Variants in BABAM2 observed in about 807,000 individuals in gnomAD.
The protein encoded by BABAM2 is BRISC and BRCA1-A complex member 2.
Under a neutral mutation model 54.7 loss-of-function variants are expected in BABAM2, and 31 were observed. The observed-to-expected ratio is 0.57, with a 90% CI of 0.43 to 0.77. The LOEUF (loss-of-function observed/expected upper bound fraction) is 0.77. Among genes scored for constraint, BABAM2 ranks in the 30% least tolerant of loss-of-function variants. The pLI, the probability that BABAM2 is intolerant of heterozygous loss-of-function variation, is 0.00. For synonymous variants in BABAM2, 167 were observed against 162.9 expected (o/e 1.03, Z -0.19); for missense variants, 364 against 455.8 (o/e 0.80, Z 1.83).
intron 7 of BABAM2, among the ~76,000 whole-genome samples, chr2:28,196,012 A>G (rs1053853419): frequency 6.6e-6 from 1 of 152,216 alleles, no homozygotes; most frequent in Non-Finnish European, 1.5e-5. Context: ...GTTTCTTACA[A>G]CAGTGTACAA....
At chr2:28,003,519 G>C (rs1460321120) in intron 4 of BABAM2, among the ~76,000 whole-genome samples, 1 of 152,122 alleles carries the variant, frequency 6.6e-6, no homozygotes, top group Admixed American at 6.5e-5. Flanking sequence ...GAGCCTGGGA[G>C]GTTGAGGCTG....
intron 2 of BABAM2, among the ~76,000 whole-genome samples, chr2:27,921,477 G>A (rs1667343767): frequency 6.6e-6 from 1 of 151,948 alleles, no homozygotes; most frequent in Admixed American, 6.6e-5. Flanking sequence ...TAATCTGATG[G>A]TTTTCTCTTA....
intron 6 of BABAM2, among the ~76,000 whole-genome samples, chr2:28,066,784 G>A (rs553782098): frequency 5.5e-4 from 84 of 152,266 alleles, no homozygotes; most frequent in African/African-American, 2.0e-3. Flanking sequence ...ACGCCACAGG[G>A]CCTTTTTTGA....
At chr2:28,034,959 A>G (rs1308856908) in intron 5 of BABAM2, among the ~76,000 whole-genome samples, 1 of 152,142 alleles carries the variant, frequency 6.6e-6, no homozygotes, top group Non-Finnish European at 1.5e-5. Flanking sequence ...TATGCTGTCC[A>G]ATACAGGAGC....
intron 3 of BABAM2, among the ~76,000 whole-genome samples, chr2:27,965,757 A>G (rs1390775457): frequency 6.6e-6 from 1 of 152,170 alleles, no homozygotes; most frequent in Non-Finnish European, 1.5e-5. Flanking sequence ...TGCACATTGC[A>G]ATAGGTTGAT....
At chr2:28,036,042 T>A (rs2148590696) in intron 5 of BABAM2, among the ~76,000 whole-genome samples, 1 of 152,314 alleles carries the variant, frequency 6.6e-6, no homozygotes, top group East Asian at 1.9e-4. Flanking sequence ...GGAAGGACTC[T>A]AATTGCGCCC....
chr2:28,228,612 T>C (rs1380001471), intron 7 of BABAM2, among the ~76,000 whole-genome samples: 2 of 152,072 alleles, frequency 1.3e-5, no homozygotes, highest in East Asian at 3.8e-4. Flanking sequence ...GAAACTGTAA[T>C]GCAATCAACA....
chr2:28,307,033 G>A (rs1253723119), intron 11 of BABAM2, among the ~76,000 whole-genome samples: 1 of 74,000 alleles, frequency 1.4e-5, no homozygotes, highest in Non-Finnish European at 2.5e-5. Flanking sequence ...TTGAGACAGA[G>A]TCTTATTCTG....
At chr2:27,904,061 A>C (rs1666017840) in intron 2 of BABAM2, among the ~76,000 whole-genome samples, 1 of 152,202 alleles carries the variant, frequency 6.6e-6, no homozygotes, top group South Asian at 2.1e-4. Flanking sequence ...ACAGCGACTA[A>C]GTGACTAACG....
intron 11 of BABAM2, among the ~76,000 whole-genome samples, chr2:28,312,791 G>C (rs1689188638): frequency 1.3e-5 from 2 of 152,024 alleles, no homozygotes; most frequent in Non-Finnish European, 2.9e-5. Context: ...TCTAAATATG[G>C]TAAGCATTAA....
At position 28,026,727 on chromosome 2, in the gene BABAM2, TTATATAAATATATATTTA is replaced by T. The variant is rs1302339505; in HGVS notation, c.495+1323_495+1340del. ...TCACATGTATCCCACAACTTAAATT[TTATATAAATATATATTTA>T]TATATAAATATATATCTATATAAAT... On this transcript the variant is annotated intron_variant, in intron 5 of 11. Transcript: ENST00000379624. 1.1e-4 allele frequency among the ~76,000 whole-genome samples: 13 copies of T among 115,978 alleles called. 1 individual carries two copies. The highest frequency in any genetic ancestry group is 2.0e-4 in the Non-Finnish European group (12 of 59,428). The allele number at this position is 115,978 out of a possible 152,430, so 76.1% of individuals were successfully genotyped here. A position where few individuals can be genotyped will look rare whatever the true frequency, so the allele number is the denominator to read the frequency against.
rs769185452 is a variant in BABAM2, at chr2:27,995,297, G to A, written c.300+7210G>A. Among the ~76,000 whole-genome samples the A allele has an allele frequency of 2.8e-4, 42 of 152,092 alleles. No individual in the cohort carries two copies. The highest frequency in any genetic ancestry group is 9.7e-4 in the African/African-American group (40 of 41,398). The stretch of plus-strand genomic sequence containing the variant: ...TCTTCTGCATGGCTCTGGCAGCACC[G>A]TGGGAGCAAGGAGGAAAGTACACAG... On this transcript the variant is annotated intron_variant, in intron 4 of 11. Coordinates refer to ENST00000379624, the MANE Select transcript of BABAM2 (RefSeq NM_199191.3). The surrounding 1 kb of genome is among the most constrained non-coding windows in gnomAD (Gnocchi z 4.1).
intron 7 of BABAM2, among the ~76,000 whole-genome samples, chr2:28,188,949 C>T (rs1394983829): frequency 3.3e-5 from 5 of 152,096 alleles, no homozygotes; most frequent in Non-Finnish European, 5.9e-5. Flanking sequence ...GCCTGTAATC[C>T]CAACACTTTG....
chr2:28,026,951 T>A (rs7573487), intron 5 of BABAM2, among the ~76,000 whole-genome samples: 2 of 68,398 alleles, frequency 2.9e-5, no homozygotes, highest in African/African-American at 7.7e-5. Flanking sequence ...TATATATTAA[T>A]ATATATAAAT....
chr2:28,019,249 A>G (rs1238335291), intron 4 of BABAM2, among the ~76,000 whole-genome samples: 5 of 152,140 alleles, frequency 3.3e-5, no homozygotes, highest in Non-Finnish European at 7.4e-5. Context: ...CCAGTCTATC[A>G]TTGATGGGCA....
chr2:27,987,264 A>G (rs1458875989), intron 3 of BABAM2, among the ~76,000 whole-genome samples: 1 of 152,202 alleles, frequency 6.6e-6, no homozygotes, highest in Admixed American at 6.5e-5. Flanking sequence ...GTGAACTATA[A>G]GCCATATGTT....
chr2:28,021,023 T>TA (rs11400369), intron 4 of BABAM2, among the ~76,000 whole-genome samples: 8,486 of 151,124 alleles, frequency 0.056, 663 homozygotes, highest in African/African-American at 0.18. Flanking sequence ...ATTCCTTGTG[T>TA]AAAAGGTCCA....
At chr2:28,126,968 TCG>T (rs1669603378) in intron 6 of BABAM2, among the ~76,000 whole-genome samples, 1 of 150,918 alleles carries the variant, frequency 6.6e-6, no homozygotes, top group Non-Finnish European at 1.5e-5. Context: ...TTCATGTCCT[TCG>T]CCCACTTTTT....
At chr2:28,145,928 G>A (rs1322280041) in intron 7 of BABAM2, among the ~76,000 whole-genome samples, 1 of 151,882 alleles carries the variant, frequency 6.6e-6, no homozygotes, top group Non-Finnish European at 1.5e-5. Context: ...TTTTCATTGT[G>A]GAATAATACT....
Sources: gnomAD v4.1 joint callset for allele counts (sites outside exome capture counted in the v4.1 genomes callset) on GRCh38, gnomAD v4.1.1 for gene constraint, Gnocchi (gnomAD v3.1) non-coding constraint, MANE v1.5 for transcripts, NCBI Gene and HGNC (gene_info 2026-07-23, HGNC 2026-07-21) for gene names.